ASAH1: variants seen among roughly 807,000 people sequenced by gnomAD.
ASAH1 encodes N-acylsphingosine amidohydrolase 1, also known as acid ceramidase.
Under a neutral mutation model 59.5 loss-of-function variants are expected in ASAH1, and 70 were observed. That is an observed-to-expected ratio of 1.18 (90% CI 0.97 to 1.43). The LOEUF (loss-of-function observed/expected upper bound fraction) is 1.43, where lower values mean the gene tolerates loss of function less well. ASAH1 is among the 40% of genes most tolerant of loss of function. The pLI is 0.00. For missense variants in ASAH1, 660 were observed against 482.5 expected, an observed-to-expected ratio of 1.37 and a Z score of -3.45; for synonymous variants, 213 against 166.5, an observed-to-expected ratio of 1.28 and a Z score of -2.15.
At position 18,069,855 on chromosome 8, in the gene ASAH1, C is replaced by T. The variant is rs1055459293; in HGVS notation, c.240G>A (p.Leu80=). ...APVLKVIVNS[L]KNMINTFVPS... Reference sequence around the variant, plus strand: ...GCACGAATGTATTTATCATATTCTTCAGAGAATTCACTATAACCTTTAGCT... The same window carrying T: ...GCACGAATGTATTTATCATATTCTTTAGAGAATTCACTATAACCTTTAGCT... Residue 80 remains leucine, a synonymous_variant, in exon 4 of 14, where the codon CTG becomes CTA. Coordinates refer to ENST00000637790, the MANE Select transcript of ASAH1 (RefSeq NM_177924.5). 2 of 1,590,238 alleles carry T rather than the reference C, an allele frequency of 1.3e-6. No individual in the cohort carries two copies. The highest frequency in any genetic ancestry group is 8.6e-7 in the Non-Finnish European group (1 of 1,160,978).
intron 10 of ASAH1, 124 bp from the exon 11 acceptor site, chr8:18,059,827 T>G (rs1220894730): frequency 1.0e-6 from 1 of 969,146 alleles, no homozygotes; most frequent in Non-Finnish European, 1.5e-6. Flanking sequence ...GTTTGTTACA[T>G]AGGTACACAC....
At position 18,075,453 on chromosome 8, in the gene ASAH1, C is replaced by T. The variant is rs778901581; in HGVS notation, c.125+88G>A. ...GGGAAACATGACTTAAGATTTTATT[C>T]ACTATCGTTCGTTTATGAGCAATTA... is the stretch of plus-strand genomic sequence containing the variant. On this transcript the variant is annotated intron_variant, in intron 2 of 13. Transcript: ENST00000637790. 9.9e-6 allele frequency: 13 copies of T among 1,310,462 alleles called. No homozygotes were observed. The Admixed American group carries it at 2.2e-4, about 22-fold the overall frequency. The allele number at this position is 1,310,462 out of a possible 1,614,324, so 81.2% of individuals were successfully genotyped here. A position where few individuals can be genotyped will look rare whatever the true frequency, so the allele number is the denominator to read the frequency against.
chr8:18,075,487 A>G, intron 2 of ASAH1, 54 bp downstream of exon 2: 1 of 1,562,876 alleles, frequency 6.4e-7, no homozygotes, highest in Non-Finnish European at 8.8e-7. Flanking sequence ...TATTACATAC[A>G]GAAAAAACTT....
chr8:18,065,452 T>C (rs2076881253), intron 5 of ASAH1: 1 of 152,152 alleles, frequency 6.6e-6, no homozygotes, highest in African/African-American at 2.4e-5. Context: ...TTCTCAATCA[T>C]CTCATAAAAT....
upstream of ASAH1, chr8:18,084,263 A>AAC: frequency 6.9e-7 from 1 of 1,450,560 alleles, no homozygotes; most frequent in Non-Finnish European, 9.0e-7. Context: ...GGCGTAGAGA[A>AAC]AGAGAGAGAG....
At chr8:18,067,080 A>G (rs1200678899) in intron 5 of ASAH1, 140 bp downstream of exon 5, 10 of 219,434 alleles carry the variant, frequency 4.6e-5, no homozygotes, top group Non-Finnish European at 1.0e-4. Context: ...AGCTTCACTG[A>G]GCTGTATATC....
At chr8:18,077,671 T>C (rs1282599869) in intron 1 of ASAH1, among the ~76,000 whole-genome samples, 5 of 152,232 alleles carry the variant, frequency 3.3e-5, no homozygotes, top group Non-Finnish European at 7.3e-5. Flanking sequence ...TGTAAAATAA[T>C]TTCATTTTCC....
rs769278694 is a variant in ASAH1 at position 18,075,001 on chromosome 8, C to CTTTTTTTTTTTTT, written c.125+539_125+540insAAAAAAAAAAAAA. Reference sequence around the variant, plus strand: ...ATTGAGTGGAGAATGAAAATCCTTTCCTTTTTTTTTTTGAGACAGAGTCTC... The same window carrying CTTTTTTTTTTTTT: ...ATTGAGTGGAGAATGAAAATCCTTTCTTTTTTTTTTTTTCTTTTTTTTTTTGAGACAGAGTCTC... On this transcript the variant is annotated intron_variant, in intron 2 of 13. Coordinates refer to ENST00000637790, the MANE Select transcript of ASAH1 (RefSeq NM_177924.5). Among the ~76,000 whole-genome samples, 187 of 148,488 alleles carry CTTTTTTTTTTTTT rather than the reference C, an allele frequency of 1.3e-3. 1 individual carries two copies. The highest frequency in any genetic ancestry group is 2.2e-3 in the African/African-American group (88 of 40,196).
At chr8:18,059,173 T>G (rs1799584897) in intron 12 of ASAH1, 168 bp downstream of exon 12, 2 of 1,036,358 alleles carry the variant, frequency 1.9e-6, no homozygotes, top group East Asian at 2.5e-5. Context: ...CAGCACAATT[T>G]TGCTCTTTAA....
At position 18,071,688 on chromosome 8, in the gene ASAH1, A is replaced by T. The variant is rs143702752; in HGVS notation, c.126-298T>A. 2.3e-3 allele frequency among the ~76,000 whole-genome samples: 333 copies of T among 143,110 alleles called. 3 individuals are homozygous for T. The highest frequency in any genetic ancestry group is 0.022 in the Admixed American group (283 of 13,134). The allele number at this position is 143,110 out of a possible 152,430, so 93.9% of individuals were successfully genotyped here. ...AAGAGCTCTAACCTGATTATCACTG[A>T]CGGGAAATACCTGCCATTTTTTTTT... On this transcript the variant is annotated intron_variant, in intron 2 of 13. Coordinates refer to ENST00000637790, the MANE Select transcript of ASAH1 (RefSeq NM_177924.5).
chr8:18,081,663 C>T (rs1387454452), intron 1 of ASAH1, among the ~76,000 whole-genome samples: 1 of 152,190 alleles, frequency 6.6e-6, no homozygotes, highest in Admixed American at 6.5e-5. Context: ...CAAAAACAAA[C>T]ACACAAAAAA....
chr8:18,071,507 T>G, intron 2 of ASAH1, 117 bp from the exon 3 acceptor site: 1 of 688,134 alleles, frequency 1.5e-6, no homozygotes, highest in East Asian at 3.1e-5. Context: ...AGAATTTGGT[T>G]ACCCAAACCA....
At chr8:18,057,834 T>C (rs1345370295) in intron 13 of ASAH1, 2 of 181,530 alleles carry the variant, frequency 1.1e-5, no homozygotes, top group Admixed American at 1.2e-4. Context: ...ACCAAATAAC[T>C]AAAGCAAACA....
At chr8:18,065,900 GTGTGTGTGTGTA>G (rs1799910301) in intron 5 of ASAH1, 2 of 150,978 alleles carry the variant, frequency 1.3e-5, no homozygotes, top group Admixed American at 1.3e-4. Context: ...GTGTGTGTGT[GTGTGTGTGTGTA>G]TATATATATG....
At chr8:18,061,175 T>C (rs1564537062) in intron 10 of ASAH1, 1 of 479,996 alleles carries the variant, frequency 2.1e-6, no homozygotes, top group Non-Finnish European at 3.7e-6. Flanking sequence ...CTAGTGCTTT[T>C]TAAGTAATTC....
chr8:18,083,530 G>A (rs1367902429), intron 1 of ASAH1: 1 of 209,448 alleles, frequency 4.8e-6, no homozygotes, highest in African/African-American at 2.4e-5. Flanking sequence ...GGACCACTCA[G>A]CGTTTCCCAC....
intron 13 of ASAH1, chr8:18,058,330 A>T (rs425010): frequency 0.26 from 40,771 of 155,754 alleles, 10,431 homozygotes; most frequent in African/African-American, 0.65. Flanking sequence ...ACAAATGGGA[A>T]AATTAGGGGG....
At chr8:18,061,773 C>A in intron 8 of ASAH1, 33 bp from the exon 9 acceptor site, 1 of 1,551,566 alleles carries the variant, frequency 6.4e-7, no homozygotes, top group Non-Finnish European at 8.7e-7. Context: ...AAGTCAGAAA[C>A]ATCAACCATG....
intron 3 of ASAH1, among the ~76,000 whole-genome samples, chr8:18,070,530 T>C (rs572446696): frequency 2.6e-5 from 4 of 152,118 alleles, no homozygotes; most frequent in Non-Finnish European, 5.9e-5. Flanking sequence ...GTGATCCGCC[T>C]GCCTCAGCCT....
Sources: gnomAD v4.1 joint callset for allele counts (sites outside exome capture counted in the v4.1 genomes callset) on GRCh38, gnomAD v4.1.1 for gene constraint, MANE v1.5 for transcripts, NCBI Gene and HGNC (gene_info 2026-07-23, HGNC 2026-07-21) for gene names.